BIRC6: variants seen among roughly 807,000 people sequenced by gnomAD.
BIRC6 encodes baculoviral IAP repeat containing 6.
A neutral mutation model predicts 503.3 loss-of-function variants in BIRC6; 98 were observed. The observed-to-expected ratio is 0.19, with a 90% CI of 0.17 to 0.23. BIRC6 has a LOEUF of 0.23. Ranked by LOEUF, BIRC6 falls within the 10% of genes least tolerant of loss-of-function variation. BIRC6 has a pLI of 1.00. For synonymous variants in BIRC6, 2,240 were observed against 2,078.7 expected (o/e 1.08, Z -2.11); for missense variants, 5,360 against 5,806.0 (o/e 0.92, Z 2.50).
At chr2:32,448,457 C>T (rs1256889493) in intron 21 of BIRC6, among the ~76,000 whole-genome samples, 9 of 151,656 alleles carry the variant, frequency 5.9e-5, no homozygotes, top group Admixed American at 2.6e-4. Context: ...GAGACCAGCC[C>T]GGCCAACACA....
intron 6 of BIRC6, among the ~76,000 whole-genome samples, chr2:32,397,614 G>GTATATA (rs1229817709): frequency 3.7e-5 from 5 of 134,200 alleles, no homozygotes; most frequent in African/African-American, 1.4e-4. Context: ...GTATATATGT[G>GTATATA]TGTATATATA....
chr2:32,461,734 G>C (rs1476419094), intron 23 of BIRC6, among the ~76,000 whole-genome samples: 2 of 151,998 alleles, frequency 1.3e-5, no homozygotes, highest in African/African-American at 4.8e-5. Flanking sequence ...AAAAAGATGG[G>C]CTGTTAGATT....
intron 20 of BIRC6, 95 bp from the exon 21 acceptor site, chr2:32,445,426 A>T: frequency 8.2e-7 from 1 of 1,225,214 alleles, no homozygotes; most frequent in Non-Finnish European, 1.1e-6. Flanking sequence ...CTTTCTAGCA[A>T]AAGGAAGTAT....
intron 65 of BIRC6, among the ~76,000 whole-genome samples, chr2:32,554,846 C>T (rs1423470510): frequency 2.6e-5 from 4 of 151,726 alleles, no homozygotes; most frequent in East Asian, 1.9e-4. Flanking sequence ...TCTGTTGTCA[C>T]GACAAATATC....
At chr2:32,590,626 T>C (rs1183636771) in intron 66 of BIRC6, among the ~76,000 whole-genome samples, 1 of 152,182 alleles carries the variant, frequency 6.6e-6, no homozygotes, top group Non-Finnish European at 1.5e-5. Flanking sequence ...GCTTTTTTGT[T>C]TTGTTTTCAG....
Position 32,464,727 on chromosome 2 carries a change from T to G in BIRC6, c.5160T>G (p.Ile1720Met). The G allele has an allele frequency of 1.2e-6, 2 of 1,614,026 alleles. No individual in the cohort carries two copies. The highest frequency in any genetic ancestry group is 1.7e-6 in the Non-Finnish European group (2 of 1,179,894). The change falls in exon 25 of 74, where the codon ATT (isoleucine) becomes ATG (methionine). Residue 1720 changes from isoleucine to methionine, a missense_variant. By Grantham distance (10) the Ile-to-Met change is conservative. Coordinates refer to ENST00000421745, the MANE Select transcript of BIRC6 (RefSeq NM_016252.4). ...CCAATGAAGCAGTTTCCGTTGTGATTAATGCCGAACTTGCACAGCTTTTCC... is the reference window on the plus strand; with the variant it reads ...CCAATGAAGCAGTTTCCGTTGTGATGAATGCCGAACTTGCACAGCTTTTCC... ...TPPNEAVSVV[I>M]NAELAQLFPG... is the part of the protein sequence containing the mutation.
intron 5 of BIRC6, among the ~76,000 whole-genome samples, chr2:32,392,966 A>G (rs1452108713): frequency 6.6e-6 from 1 of 152,030 alleles, no homozygotes; most frequent in Non-Finnish European, 1.5e-5. Context: ...AAATCAACAA[A>G]TAGTATTCTT....
At chr2:32,472,284 G>T (rs1300881126) in intron 32 of BIRC6, among the ~76,000 whole-genome samples, 1 of 152,122 alleles carries the variant, frequency 6.6e-6, no homozygotes, top group Non-Finnish European at 1.5e-5. Flanking sequence ...GGCCAGGCTG[G>T]TCTTGAACTC....
rs2056197262 is a variant in BIRC6 at position 32,525,599 on chromosome 2, T to C, written c.11891T>C (p.Val3964Ala). ...EAANKIITVP[V>A]FHLFHKLLAG... Reference sequence around the variant, plus strand: ...GCCAACAAAATAATTACTGTCCCAGTGTTTCACCTGTTTCACAAACTCTTG... The same window carrying C: ...GCCAACAAAATAATTACTGTCCCAGCGTTTCACCTGTTTCACAAACTCTTG... The change falls in exon 59 of 74, where the codon GTG becomes GCG. Residue 3964 changes from valine to alanine, a missense_variant. By Grantham distance (64) the Val-to-Ala change is moderately conservative. This residue lies in a region of BIRC6 where 878 missense variants were observed against 928.9 expected (regional missense o/e 0.95). Transcript: ENST00000421745. 6 of 1,613,198 alleles carry C rather than the reference T, an allele frequency of 3.7e-6. No individual in the cohort carries two copies. In the East Asian group the frequency reaches 1.3e-4, roughly 36 times the overall value.
At chr2:32,388,399 A>G (rs2038785185) in intron 3 of BIRC6, among the ~76,000 whole-genome samples, 1 of 149,088 alleles carries the variant, frequency 6.7e-6, no homozygotes, top group African/African-American at 2.4e-5. Context: ...AAAAAAAAAG[A>G]AATATACAAT....
At chr2:32,497,995 T>C (rs896219238) in intron 45 of BIRC6, among the ~76,000 whole-genome samples, 1 of 152,234 alleles carries the variant, frequency 6.6e-6, no homozygotes, top group African/African-American at 2.4e-5. Context: ...AGAAATCTTT[T>C]TCTGTTGACT....
chr2:32,603,980 ATAC>A (rs1398703618), intron 71 of BIRC6, among the ~76,000 whole-genome samples: 1 of 151,970 alleles, frequency 6.6e-6, no homozygotes, highest in Non-Finnish European at 1.5e-5. Flanking sequence ...AGTAAAATAA[ATAC>A]TACTTTTTGG....
Position 32,361,395 on chromosome 2 carries a change from A to G in BIRC6, c.325+3909A>G, listed in dbSNP as rs182009381. On this transcript the variant is annotated intron_variant, in intron 1 of 73. Coordinates refer to ENST00000421745, the MANE Select transcript of BIRC6 (RefSeq NM_016252.4). ...TTTTTAGAGCAGTTTTAGGTTAACA[A>G]CAAAATTGAGCAGAAAGTACAGACA... 7.4e-4 allele frequency among the ~76,000 whole-genome samples: 113 copies of G among 152,262 alleles called. 1 individual carries two copies. In the East Asian group the frequency reaches 0.014, roughly 18 times the overall value.
intron 61 of BIRC6, among the ~76,000 whole-genome samples, chr2:32,537,596 T>C (rs2057336348): frequency 6.6e-6 from 1 of 152,102 alleles, no homozygotes; most frequent in South Asian, 2.1e-4. Context: ...CAAAAATCAG[T>C]GATGGCAGAA....
chr2:32,410,563 T>C (rs2041747876), intron 9 of BIRC6, among the ~76,000 whole-genome samples: 1 of 152,144 alleles, frequency 6.6e-6, no homozygotes, highest in African/African-American at 2.4e-5. Flanking sequence ...ATCCCCAGAT[T>C]ATGGGAAATT....
chr2:32,542,315 G>A (rs1022877520), intron 61 of BIRC6, among the ~76,000 whole-genome samples: 4 of 152,034 alleles, frequency 2.6e-5, no homozygotes, highest in African/African-American at 7.2e-5. Context: ...TAGAACATGA[G>A]CCTAGAATGT....
At chr2:32,501,644 TA>T in intron 46 of BIRC6, 68 bp from the exon 47 acceptor site, 1 of 1,351,716 alleles carries the variant, frequency 7.4e-7, no homozygotes. Context: ...GTGTTGAGAT[TA>T]CAGGCATGAG....
At chr2:32,611,611 G>T (rs777764617) in intron 73 of BIRC6, 29 bp downstream of exon 73, 1 of 1,519,672 alleles carries the variant, frequency 6.6e-7, no homozygotes, top group Non-Finnish European at 8.9e-7. Context: ...CAGGAGCCTT[G>T]TTGCTTTAAG....
intron 73 of BIRC6, 105 bp downstream of exon 73, chr2:32,611,687 CATA>C: frequency 1.8e-6 from 2 of 1,131,436 alleles, no homozygotes; most frequent in Non-Finnish European, 2.3e-6. Context: ...ATTAAAGAAA[CATA>C]ATATGTATTT....
Sources: allele counts gnomAD v4.1 joint callset (sites outside exome capture counted in the v4.1 genomes callset), GRCh38; gene constraint gnomAD v4.1.1; regional missense constraint gnomAD v4.1.1; transcripts MANE v1.5; gene names NCBI Gene and HGNC (gene_info 2026-07-23, HGNC 2026-07-21).